Variants in ORC3 observed in about 807,000 individuals in gnomAD.
The protein encoded by ORC3 is homolog of latheo, Drosophila.
ORC3 carries 78 observed loss-of-function variants against 100.7 expected under a neutral mutation model. The ratio of observed to expected loss-of-function variants is 0.77; its 90% CI spans 0.65 to 0.94. ORC3 has a LOEUF of 0.94. ORC3 is among the 40% of genes least tolerant of loss of function. ORC3 has a pLI of 0.00. For synonymous variants in ORC3, 295 were observed against 289.3 expected (o/e 1.02, Z -0.20); for missense variants, 789 against 823.9 (o/e 0.96, Z 0.52).
intron 13 of ORC3, among the ~76,000 whole-genome samples, chr6:87,639,341 A>G (rs1489123762): frequency 6.6e-6 from 1 of 152,176 alleles, no homozygotes; most frequent in Non-Finnish European, 1.5e-5. Flanking sequence ...AGAACATGGA[A>G]GAAAAGGTGA....
rs201861328 is a variant in ORC3, at chr6:87,594,385, G to T, written c.57G>T (p.Lys19Asn). ...TTGTTTTTAAGCCAAACTCCAAAAA[G>T]AGAAAGATCTCTCTGCCAATAGGTA... The part of the protein sequence containing the change: ...GCFVFKPNSK[K>N]RKISLPIEDY... The change falls in exon 2 of 20, where the codon AAG becomes AAT. Residue 19 changes from lysine (K) to asparagine (N), a missense_variant. Physicochemically the swap from Lys to Asn is moderately conservative, Grantham distance 94. Coordinates refer to ENST00000392844, the MANE Select transcript of ORC3 (RefSeq NM_012381.4). 2 of 1,583,686 alleles carry T rather than the reference G, an allele frequency of 1.3e-6. No homozygotes were observed. The highest frequency in any genetic ancestry group is 8.6e-7 in the Non-Finnish European group (1 of 1,159,326).
At chr6:87,667,910 A>G (rs534692826), downstream of ORC3, among the ~76,000 whole-genome samples, 2 of 150,850 alleles carry the variant, frequency 1.3e-5, no homozygotes, top group Admixed American at 1.3e-4. Flanking sequence ...CCTGGGTGAC[A>G]GAGTGAGACT....
rs775944323 is a variant in ORC3, at chr6:87,607,825, G to GTAGA, written c.579+4_579+7dup. The GTAGA allele has an allele frequency of 6.2e-7, 1 of 1,603,970 alleles. No individual in the cohort carries two copies. Among genetic ancestry groups the GTAGA allele is most frequent in the Non-Finnish European group, 8.5e-7 (1 of 1,173,608 alleles). On this transcript the variant is annotated splice_donor_variant, in intron 6 of 19. Transcript: ENST00000392844. LOFTEE classifies it high-confidence loss of function. ...CAGTTGGTATATGACTGTCACACAG[G>GTAGA]TAGATATAAACTGATGATTTTCTCC...
chr6:87,663,037 C>T lies in ORC3; in HGVS notation c.1726C>T (p.His576Tyr). The T allele has an allele frequency of 6.2e-7, 1 of 1,611,490 alleles. No individual in the cohort carries two copies. The highest frequency in any genetic ancestry group is 8.5e-7 in the Non-Finnish European group (1 of 1,178,024). Reference sequence around the variant, plus strand: ...TCTGCCTCCTGAGACACAGCCTCTCCATGAGGTGGTGTACTTCAGTGCTGC... The same window carrying T: ...TCTGCCTCCTGAGACACAGCCTCTCTATGAGGTGGTGTACTTCAGTGCTGC... ...YLLPPETQPL[H>Y]EVVYFSAAHA... The change falls in exon 17 of 20, where the codon CAT becomes TAT. Residue 576 changes from histidine to tyrosine, a missense_variant. This residue lies in a region of ORC3 where 366 missense variants were observed against 394.2 expected (regional missense o/e 0.93). Transcript: ENST00000392844.
intron 12 of ORC3, 64 bp from the exon 13 acceptor site, chr6:87,636,343 T>C: frequency 1.1e-6 from 1 of 918,682 alleles, no homozygotes; most frequent in South Asian, 1.4e-5. Context: ...CCAGAAATGA[T>C]TTTTGCCAAA....
intron 2 of ORC3, among the ~76,000 whole-genome samples, chr6:87,599,093 C>T (rs140209008): frequency 4.3e-4 from 66 of 152,280 alleles, no homozygotes; most frequent in African/African-American, 1.5e-3. Flanking sequence ...TTATATTCTT[C>T]AGTGTAGTTT....
chr6:87,677,612 T>A, the ORC3 span, among the ~76,000 whole-genome samples: 1 of 152,192 alleles, frequency 6.6e-6, no homozygotes, highest in Admixed American at 6.5e-5. Context: ...TTACTGCTGA[T>A]CTACACGGCT....
intron 6 of ORC3, 24 bp downstream of exon 6, chr6:87,607,848 T>C: frequency 6.4e-7 from 1 of 1,564,348 alleles, no homozygotes; most frequent in Non-Finnish European, 8.8e-7. Context: ...GATGATTTTC[T>C]CCCAGGAAAT....
intron 4 of ORC3, among the ~76,000 whole-genome samples, chr6:87,605,156 A>G (rs1419803754): frequency 6.6e-6 from 1 of 152,102 alleles, no homozygotes; most frequent in Admixed American, 6.5e-5. Flanking sequence ...TACCAAAAGA[A>G]CCCATAGTTT....
chr6:87,617,906 A>G (rs1306999525), intron 9 of ORC3, among the ~76,000 whole-genome samples: 1 of 152,174 alleles, frequency 6.6e-6, no homozygotes, highest in African/African-American at 2.4e-5. Context: ...TTTGGCTAAT[A>G]TGTATCTTTT....
intron 11 of ORC3, 50 bp from the exon 12 acceptor site, chr6:87,634,795 C>T (rs190355209): frequency 6.1e-5 from 55 of 897,138 alleles, no homozygotes; most frequent in Admixed American, 4.7e-4. Context: ...TATTATTATG[C>T]TCTTTTATTA....
At chr6:87,630,924 A>G (rs1467935757) in intron 11 of ORC3, among the ~76,000 whole-genome samples, 2 of 151,800 alleles carry the variant, frequency 1.3e-5, no homozygotes, top group Non-Finnish European at 2.9e-5. Flanking sequence ...AGGCTGGAGT[A>G]CAGTGGTGCA....
intron 5 of ORC3, 100 bp from the exon 6 acceptor site, chr6:87,607,573 C>A: frequency 4.2e-6 from 3 of 721,530 alleles, no homozygotes; most frequent in Non-Finnish European, 5.9e-6. Flanking sequence ...ACACATTCTA[C>A]CAAAAAAAAA....
At chr6:87,672,718 C>G in the ORC3 span, among the ~76,000 whole-genome samples, 1 of 152,184 alleles carries the variant, frequency 6.6e-6, no homozygotes, top group Non-Finnish European at 1.5e-5. Flanking sequence ...ATAGGTAGAG[C>G]CTGAGAACCT....
chr6:87,623,310 T>C (rs1779659229), intron 11 of ORC3, among the ~76,000 whole-genome samples: 1 of 152,242 alleles, frequency 6.6e-6, no homozygotes, highest in Non-Finnish European at 1.5e-5. Flanking sequence ...GTAATCTCTG[T>C]AATGCCTTCA....
chr6:87,674,302 C>CAA, the ORC3 span, among the ~76,000 whole-genome samples: 10,582 of 86,690 alleles, frequency 0.12, 668 homozygotes, highest in African/African-American at 0.14. Context: ...AACTCTATCT[C>CAA]AAAAAAAAAA....
rs150481408 is a variant in ORC3, at chr6:87,616,408, A to C, written c.968A>C (p.Asn323Thr). The change falls in exon 9 of 20, where the codon AAC (asparagine) becomes ACC (threonine). Residue 323 changes from asparagine to threonine, a missense_variant. Asn to Thr is a moderately conservative substitution (Grantham distance 65, BLOSUM62 0). Coordinates refer to ENST00000392844, the MANE Select transcript of ORC3 (RefSeq NM_012381.4). ...TTGTATCATGATTTCTCAGTTCAAAACTTTATAAAAGGACTTCAGGTAAGA... is the reference window on the plus strand; with the variant it reads ...TTGTATCATGATTTCTCAGTTCAAACCTTTATAAAAGGACTTCAGGTAAGA... ...IFLYHDFSVQ[N>T]FIKGLQLSLL... 23 of 1,459,820 alleles carry C rather than the reference A, an allele frequency of 1.6e-5. No homozygotes were observed. In the African/African-American group the frequency reaches 2.8e-4, roughly 18 times the overall value. The allele number at this position is 1,459,820 out of a possible 1,614,324, so 90.4% of individuals were successfully genotyped here.
intron 15 of ORC3, 39 bp from the exon 16 acceptor site, chr6:87,657,882 C>T: frequency 8.7e-7 from 1 of 1,147,620 alleles, no homozygotes; most frequent in Non-Finnish European, 1.3e-6. Flanking sequence ...GGTTTTCTGT[C>T]TGAGGATCAC....
chr6:87,644,628 G>A (rs1224007375), intron 13 of ORC3, among the ~76,000 whole-genome samples: 2 of 152,110 alleles, frequency 1.3e-5, no homozygotes, highest in Non-Finnish European at 2.9e-5. Context: ...TTGAACTCGG[G>A]AGGTGGAGGT....
Sources: gnomAD v4.1 joint callset for allele counts (sites outside exome capture counted in the v4.1 genomes callset) on GRCh38, gnomAD v4.1.1 for gene constraint, gnomAD v4.1.1 regional missense constraint, MANE v1.5 for transcripts, NCBI Gene and HGNC (gene_info 2026-07-23, HGNC 2026-07-21) for gene names.